PPCDC: variants seen among roughly 807,000 people sequenced by gnomAD.
PPCDC encodes the protein phosphopantothenoylcysteine decarboxylase.
PPCDC carries 20 observed loss-of-function variants against 20.7 expected under a neutral mutation model. That is an observed-to-expected ratio of 0.97 (90% CI 0.68 to 1.41). The LOEUF is 1.41. PPCDC is among the 40% of genes most tolerant of loss of function. The pLI, the probability that PPCDC is intolerant of heterozygous loss-of-function variation, is 0.00. For missense variants in PPCDC, 246 were observed against 263.8 expected (o/e 0.93, Z 0.47); for synonymous variants, 88 against 100.3 (o/e 0.88, Z 0.73).
In PPCDC at chr15:75,049,483, C is replaced by T; in HGVS notation, c.*248C>T. On this transcript the variant is annotated 3_prime_UTR_variant, in exon 6 of 6. Transcript: ENST00000342932. ...CCTTTTCCTGGATGGGTGAGGCAAG[C>T]CAGGAGAGCAAGCAGTGTTGTCCTC... 1 of 516,898 alleles carries T rather than the reference C, an allele frequency of 1.9e-6. No individual in the cohort carries two copies. The highest frequency in any genetic ancestry group is 3.4e-5 in the East Asian group (1 of 29,336). 32.0% of individuals were successfully genotyped at this position (516,898 alleles called of 1,614,324 possible). A position where few individuals can be genotyped will look rare whatever the true frequency, so the allele number is the denominator to read the frequency against.
chr15:75,043,153 G>T, intron 2 of PPCDC: 1 of 315,396 alleles, frequency 3.2e-6, no homozygotes, highest in Non-Finnish European at 5.9e-6. Flanking sequence ...ACCTCTGCCC[G>T]AGTGGCAGGA....
At chr15:75,035,369 G>A (rs1026537112) in intron 2 of PPCDC, among the ~76,000 whole-genome samples, 16 of 152,182 alleles carry the variant, frequency 1.1e-4, no homozygotes, top group Admixed American at 9.8e-4. Flanking sequence ...TCCTGTGGCT[G>A]CGAAGTGCCT....
rs149414091 is a variant in PPCDC at position 75,049,227 on chromosome 15, C to T, written c.607C>T (p.Gln203Ter). Residue 203 changes from glutamine to a stop codon, truncating the protein, a stop_gained, in exon 6 of 6, where the codon CAG (glutamine) becomes TAG (stop). Transcript: ENST00000342932. LOFTEE classifies it high-confidence loss of function. ...EVLFQHSGFQ[Q>*]S is the part of the protein sequence containing the mutation. The stretch of plus-strand genomic sequence containing the variant: ...CCTCTTCCAGCACAGTGGCTTCCAG[C>T]AGAGTTGACCTGGGATTTCTGTCAT... 1.9e-6 allele frequency: 3 copies of T among 1,613,866 alleles called. No individual in the cohort carries two copies. The African/African-American group carries it at 4.0e-5, about 22-fold the overall frequency.
In PPCDC at chr15:75,036,913, C is replaced by T. The variant is rs77198051; in HGVS notation, c.136-6528C>T. Among the ~76,000 whole-genome samples the T allele has an allele frequency of 9.6e-4, 146 of 152,150 alleles. 3 individuals carry two copies. The East Asian group carries it at 0.019, about 20-fold the overall frequency. ...CCCAAACTTCTGAGCTCAAGCAATC[C>T]GCCCGTCTCTGCCTCCCAAAGTGCT... On this transcript the variant is annotated intron_variant, in intron 2 of 5. Transcript: ENST00000342932.
chr15:75,039,697 G>A lies in PPCDC; in HGVS notation c.136-3744G>A, dbSNP rs182773905. Among the ~76,000 whole-genome samples the A allele has an allele frequency of 7.2e-5, 11 of 152,038 alleles. No individual in the cohort carries two copies. The East Asian group carries it at 1.5e-3, about 21-fold the overall frequency. On this transcript the variant is annotated intron_variant, in intron 2 of 5. Coordinates refer to ENST00000342932, the MANE Select transcript of PPCDC (RefSeq NM_021823.5). ...ATCTGCTCTGCTAGTGCTTCCTTTC[G>A]CTTCCATCTTCTGAAAGCGCATTGG...
chr15:75,026,086 AACTG>A (rs908504699), intron 1 of PPCDC, among the ~76,000 whole-genome samples: 4 of 152,154 alleles, frequency 2.6e-5, no homozygotes, highest in Non-Finnish European at 5.9e-5. Flanking sequence ...CCCCAAGTTT[AACTG>A]ACTGCTTTCT....
intron 2 of PPCDC, among the ~76,000 whole-genome samples, chr15:75,041,923 G>A (rs566752007): frequency 2.0e-5 from 3 of 152,228 alleles, no homozygotes; most frequent in African/African-American, 7.2e-5. Flanking sequence ...ATGAGGACAA[G>A]GTGGAATTGG....
intron 1 of PPCDC, among the ~76,000 whole-genome samples, chr15:75,023,970 C>G (rs2065933949): frequency 6.6e-6 from 1 of 152,178 alleles, no homozygotes; most frequent in Non-Finnish European, 1.5e-5. Context: ...CGTGTCAGCT[C>G]CTCACACTGA....
Position 75,028,326 on chromosome 15 carries a change from C to G in PPCDC, c.8C>G (p.Pro3Arg). 6.2e-7 allele frequency: 1 copy of G among 1,614,100 alleles called. No individual in the cohort carries two copies. The highest frequency in any genetic ancestry group is 8.5e-7 in the Non-Finnish European group (1 of 1,180,014). Residue 3 changes from proline (P) to arginine (R), a missense_variant, in exon 2 of 6, where the codon CCA becomes CGA. By Grantham distance (103) the Pro-to-Arg change is moderately radical. Around this residue, in one of 2 missense-constraint regions of PPCDC, gnomAD observed 225 missense variants for 222.6 expected, o/e 1.01. Transcript: ENST00000342932. ME[P>R]KASCPAAAPL... Reference sequence around the variant, plus strand: ...GAAGCCACCAGACCCCACATGGAACCAAAGGCCTCCTGTCCAGCTGCTGCA... The same window carrying G: ...GAAGCCACCAGACCCCACATGGAACGAAAGGCCTCCTGTCCAGCTGCTGCA...
At chr15:75,032,337 C>G (rs898268566) in intron 2 of PPCDC, among the ~76,000 whole-genome samples, 4 of 152,120 alleles carry the variant, frequency 2.6e-5, no homozygotes, top group Admixed American at 2.0e-4. Flanking sequence ...GTCAGGACAT[C>G]CAGGTCTGTC....
Position 75,048,733 on chromosome 15 carries a change from G to T in PPCDC, c.529+12G>T. On this transcript the variant is annotated intron_variant, in intron 5 of 5. Coordinates refer to ENST00000342932, the MANE Select transcript of PPCDC (RefSeq NM_021823.5). Reference sequence around the variant, plus strand: ...GTGCGGAGATGAAGGTGGGTGTCTTGCCAGGCTTATAGCCCAGGGCTGTAG... The same window carrying T: ...GTGCGGAGATGAAGGTGGGTGTCTTTCCAGGCTTATAGCCCAGGGCTGTAG... 1 of 1,613,334 alleles carries T rather than the reference G, an allele frequency of 6.2e-7. No homozygotes were observed. The highest frequency in any genetic ancestry group is 8.5e-7 in the Non-Finnish European group (1 of 1,179,540).
rs986388332 is a variant in PPCDC at position 75,049,468 on chromosome 15, G to C, written c.*233G>C. The C allele has an allele frequency of 1.8e-6, 1 of 542,302 alleles. No individual in the cohort carries two copies. Among genetic ancestry groups the C allele is most frequent in the Admixed American group, 3.2e-5 (1 of 31,042 alleles). The allele number at this position is 542,302 out of a possible 1,614,324, so 33.6% of individuals were successfully genotyped here. On this transcript the variant is annotated 3_prime_UTR_variant, in exon 6 of 6. Transcript: ENST00000342932. ...TAGAGCCCCTCCCCACCTTTTCCTG[G>C]ATGGGTGAGGCAAGCCAGGAGAGCA...
intron 2 of PPCDC, among the ~76,000 whole-genome samples, chr15:75,038,604 T>G (rs2066113184): frequency 6.6e-6 from 1 of 152,232 alleles, no homozygotes; most frequent in Non-Finnish European, 1.5e-5. Flanking sequence ...GAAGAGCTGC[T>G]GTGGGCTCAG....
intron 4 of PPCDC, chr15:75,044,728 A>G (rs1169631301): frequency 1.7e-6 from 1 of 580,336 alleles, no homozygotes; most frequent in South Asian, 2.0e-5. Flanking sequence ...GTGACCTGCC[A>G]CTGCTCCCCA....
chr15:75,028,508 C>T lies in PPCDC; in HGVS notation c.135+55C>T, dbSNP rs890045659. Reference sequence around the variant, plus strand: ...GCCTCCGGCATGGGAGGCCGGTGCTCCCGGGGATGGCCCATTGCTCTGCAG... The same window carrying T: ...GCCTCCGGCATGGGAGGCCGGTGCTTCCGGGGATGGCCCATTGCTCTGCAG... On this transcript the variant is annotated intron_variant, in intron 2 of 5. Transcript: ENST00000342932. The T allele has an allele frequency of 2.7e-5, 44 of 1,607,294 alleles. 1 individual carries two copies. The African/African-American group carries it at 4.7e-4, about 17-fold the overall frequency.
At chr15:75,028,500 C>G (rs553751905) in intron 2 of PPCDC, 47 bp downstream of exon 2, 1 of 1,610,124 alleles carries the variant, frequency 6.2e-7, no homozygotes, top group Admixed American at 1.7e-5. Flanking sequence ...GCATGGGAGG[C>G]CGGTGCTCCC....
At chr15:75,028,112 ACTGTGTG>A (rs1287139107) in intron 1 of PPCDC, 128 bp from the exon 2 acceptor site, 1 of 604,434 alleles carries the variant, frequency 1.7e-6, no homozygotes, top group Non-Finnish European at 2.8e-6. Context: ...TTCTTATCAA[ACTGTGTG>A]CTCCCTGAAG....
chr15:75,036,196 G>A (rs918831451), intron 2 of PPCDC, among the ~76,000 whole-genome samples: 7 of 152,086 alleles, frequency 4.6e-5, no homozygotes, highest in African/African-American at 1.7e-4. Context: ...AAAAGGTCAA[G>A]GTAAATGAGT....
chr15:75,037,524 A>C (rs922518849), intron 2 of PPCDC, among the ~76,000 whole-genome samples: 1 of 152,182 alleles, frequency 6.6e-6, no homozygotes, highest in African/African-American at 2.4e-5. Flanking sequence ...AGGCATGTGG[A>C]TTGCCCTAGC....
Sources: gnomAD v4.1 joint callset for allele counts (sites outside exome capture counted in the v4.1 genomes callset) on GRCh38, gnomAD v4.1.1 for gene constraint, gnomAD v4.1.1 regional missense constraint, MANE v1.5 for transcripts, NCBI Gene and HGNC (gene_info 2026-07-23, HGNC 2026-07-21) for gene names.